ROCK2: variants seen among roughly 807,000 people sequenced by gnomAD.
ROCK2 encodes the protein Rho associated coiled-coil containing protein kinase 2, also known as rho-associated protein kinase 2.
Under a neutral mutation model 195.1 loss-of-function variants are expected in ROCK2, and 61 were observed. The observed-to-expected ratio is 0.31, with a 90% CI of 0.25 to 0.39. The LOEUF (loss-of-function observed/expected upper bound fraction) is 0.39. ROCK2 is among the 10% of genes least tolerant of loss of function. The pLI, the probability that ROCK2 is intolerant of heterozygous loss-of-function variation, is 1.00. For missense variants in ROCK2, 1,109 were observed against 1,637.4 expected (o/e 0.68, Z 5.57); for synonymous variants, 504 against 545.5 (o/e 0.92, Z 1.06).
intron 32 of ROCK2, chr2:11,184,913 C>T (rs559365762): frequency 7.1e-4 from 196 of 276,796 alleles, no homozygotes; most frequent in Middle Eastern, 3.6e-3. Flanking sequence ...AAAATTAAGA[C>T]GGACGCACAT....
rs1285619301 is a variant in ROCK2, at chr2:11,192,164, C to T, written c.4147G>A (p.Ala1383Thr). 6.2e-7 allele frequency: 1 copy of T among 1,605,062 alleles called. No homozygotes were observed. ...QSIRRPSRQL[A>T]PNKPS ...GTTTATTACCTAGGTTTGTTTGGGG[C>T]AAGCTGTCGACTTGGCCGTCTAATA... Residue 1383 changes from alanine to threonine, a missense_variant, in exon 32 of 33, where the codon GCC becomes ACC. Around this residue, in one of 6 missense-constraint regions of ROCK2, gnomAD observed 221 missense variants for 355.1 expected, o/e 0.62. Transcript: ENST00000315872. This position sits in a 1 kb window ranked among gnomAD's most constrained non-coding sequence, Gnocchi z 5.0.
intron 1 of ROCK2, among the ~76,000 whole-genome samples, chr2:11,291,819 A>T (rs1424717128): frequency 6.6e-6 from 1 of 152,242 alleles, no homozygotes; most frequent in African/African-American, 2.4e-5. Flanking sequence ...ATAGATAAAC[A>T]GAAAAGAATC....
At chr2:11,216,100 T>C in intron 13 of ROCK2, 58 bp downstream of exon 13, 1 of 1,348,350 alleles carries the variant, frequency 7.4e-7, no homozygotes, top group South Asian at 1.2e-5. Context: ...CTTAGGTAAG[T>C]CAGACATCAA....
intron 4 of ROCK2, among the ~76,000 whole-genome samples, chr2:11,244,353 G>T (rs1162062162): frequency 4.6e-5 from 7 of 152,166 alleles, no homozygotes; most frequent in African/African-American, 1.7e-4. Context: ...AAATGAGATT[G>T]GCCATGGTTG....
At chr2:11,336,865 G>A (rs1412721939) in intron 1 of ROCK2, among the ~76,000 whole-genome samples, 1 of 152,186 alleles carries the variant, frequency 6.6e-6, no homozygotes, top group Non-Finnish European at 1.5e-5. Context: ...TTGGAAAAAA[G>A]CAAAGGAGAA....
chr2:11,227,590 G>A (rs1217741396), intron 5 of ROCK2, among the ~76,000 whole-genome samples, 192 bp from the exon 6 acceptor site: 1 of 152,160 alleles, frequency 6.6e-6, no homozygotes, highest in African/African-American at 2.4e-5. Flanking sequence ...TAAATTATGG[G>A]AGATAGGAAT....
intron 1 of ROCK2, among the ~76,000 whole-genome samples, chr2:11,288,438 C>T (rs780212862): frequency 2.3e-4 from 35 of 152,088 alleles, no homozygotes; most frequent in Non-Finnish European, 3.8e-4. Flanking sequence ...ATTGTCTCAA[C>T]GCCAAGTAAC....
chr2:11,228,526 C>G (rs1051376212), intron 5 of ROCK2, among the ~76,000 whole-genome samples: 5 of 152,058 alleles, frequency 3.3e-5, no homozygotes, highest in African/African-American at 9.7e-5. Context: ...GGGAGTAACA[C>G]TTTGTGTGGA....
At chr2:11,199,229 G>A (rs909322537) in intron 23 of ROCK2, among the ~76,000 whole-genome samples, 2 of 151,868 alleles carry the variant, frequency 1.3e-5, no homozygotes, top group African/African-American at 4.8e-5. Flanking sequence ...TGTAAATTAC[G>A]TGTTTTGCCT....
At chr2:11,218,492 A>T in intron 10 of ROCK2, 26 bp from the exon 11 acceptor site, 1 of 1,449,076 alleles carries the variant, frequency 6.9e-7, no homozygotes. Flanking sequence ...CAGAAAACAC[A>T]TTAAAATACT....
rs1426795472 is a variant in ROCK2 at position 11,222,069 on chromosome 2, G to C, written c.1099+14C>G. ...AATGTGATGGAATGAAAATATTTAG[G>C]TTTATTGACTTACTTTCTCTTATGT... On this transcript the variant is annotated intron_variant, in intron 8 of 32. Coordinates refer to ENST00000315872, the MANE Select transcript of ROCK2 (RefSeq NM_004850.5). The C allele has an allele frequency of 1.4e-6, 2 of 1,474,206 alleles. No homozygotes were observed. The highest frequency in any genetic ancestry group is 2.8e-5 in the African/African-American group (2 of 71,972). The allele number at this position is 1,474,206 out of a possible 1,614,324, so 91.3% of individuals were successfully genotyped here. A position where few individuals can be genotyped will look rare whatever the true frequency, so the allele number is the denominator to read the frequency against.
At chr2:11,241,317 G>C (rs139620530) in intron 4 of ROCK2, among the ~76,000 whole-genome samples, 28 of 152,162 alleles carry the variant, frequency 1.8e-4, no homozygotes, top group African/African-American at 6.3e-4. Flanking sequence ...AAAAAGACTG[G>C]TGGGAAAAAG....
intron 4 of ROCK2, among the ~76,000 whole-genome samples, chr2:11,239,667 C>T (rs1048579181): frequency 6.6e-6 from 1 of 152,170 alleles, no homozygotes; most frequent in African/African-American, 2.4e-5. Context: ...ACATGGAGTA[C>T]ATCTGTATAC....
intron 1 of ROCK2, among the ~76,000 whole-genome samples, chr2:11,335,108 TACACACACACACAC>T (rs59721285): frequency 1.2e-4 from 18 of 145,026 alleles, no homozygotes; most frequent in African/African-American, 1.8e-4. Context: ...CTTTGACTGA[TACACACACACACAC>T]ACACACACAC....
At chr2:11,287,445 T>A (rs1192478647) in intron 2 of ROCK2, among the ~76,000 whole-genome samples, 1 of 152,190 alleles carries the variant, frequency 6.6e-6, no homozygotes, top group Non-Finnish European at 1.5e-5. Context: ...AATTTAGAAC[T>A]TTATCTGCTT....
In ROCK2 at chr2:11,192,704, A is replaced by G. The variant is rs1558277970; in HGVS notation, c.3696T>C (p.Tyr1232=). 3.7e-6 allele frequency: 6 copies of G among 1,611,514 alleles called. No homozygotes were observed. Among genetic ancestry groups the G allele is most frequent in the Non-Finnish European group, 5.1e-6 (6 of 1,178,994 alleles). The change falls in exon 31 of 33, where the codon TAT becomes TAC. Residue 1232 remains tyrosine (Y), a synonymous_variant. Transcript: ENST00000315872. The surrounding 1 kb of genome is among the most constrained non-coding windows in gnomAD (Gnocchi z 5.0). Reference sequence around the variant, plus strand: ...CCTTCTTACTTTCTCCTTCATTGGCATACAGAATCTATGAATGCCAAAAGA... The same window carrying G: ...CCTTCTTACTTTCTCCTTCATTGGCGTACAGAATCTATGAATGCCAAAAGA... ...KEIPRIFQIL[Y]ANEGESKKEQ...
intron 3 of ROCK2, among the ~76,000 whole-genome samples, chr2:11,253,693 G>A (rs970020273): frequency 1.3e-5 from 2 of 152,208 alleles, no homozygotes; most frequent in Admixed American, 6.5e-5. Context: ...CAATAAAACA[G>A]GCACTCACTA....
intron 5 of ROCK2, among the ~76,000 whole-genome samples, chr2:11,229,610 C>CT (rs1418206878): frequency 6.9e-6 from 1 of 145,490 alleles, no homozygotes; most frequent in Non-Finnish European, 1.5e-5. Flanking sequence ...GGGGGGAACT[C>CT]TAAATGCAAC....
intron 18 of ROCK2, among the ~76,000 whole-genome samples, chr2:11,208,710 GCCT>G (rs1340126603): frequency 4.0e-5 from 6 of 151,430 alleles, no homozygotes; most frequent in Non-Finnish European, 7.4e-5. Flanking sequence ...TCGTGCCTCG[GCCT>G]CCAGACATAA....
Sources: allele counts gnomAD v4.1 joint callset (sites outside exome capture counted in the v4.1 genomes callset), GRCh38; gene constraint gnomAD v4.1.1; regional missense constraint gnomAD v4.1.1; non-coding constraint Gnocchi (gnomAD v3.1); transcripts MANE v1.5; gene names NCBI Gene and HGNC (gene_info 2026-07-23, HGNC 2026-07-21).